The following SCAP variants were observed in gnomAD, a reference collection of about 807,000 sequenced individuals.
SCAP encodes SREBF chaperone.
A neutral mutation model predicts 123.6 loss-of-function variants in SCAP; 65 were observed. The observed-to-expected ratio is 0.53, with a 90% CI of 0.43 to 0.65. SCAP has a LOEUF of 0.65. Among genes scored for constraint, SCAP ranks in the 30% least tolerant of loss-of-function variants. The pLI is 0.00. For synonymous variants in SCAP, 740 were observed against 726.3 expected, an observed-to-expected ratio of 1.02 and a Z score of -0.30; for missense variants, 1,398 against 1,712.5, an observed-to-expected ratio of 0.82 and a Z score of 3.24.
At chr3:47,427,020 A>G in intron 6 of SCAP, 137 bp downstream of exon 6, 3 of 681,906 alleles carry the variant, frequency 4.4e-6, no homozygotes, top group Non-Finnish European at 8.0e-6. Context: ...TGAGGGATGT[A>G]AACATTCAAC....
At chr3:47,429,519 C>A (rs1706276762) in intron 3 of SCAP, among the ~76,000 whole-genome samples, 1 of 152,182 alleles carries the variant, frequency 6.6e-6, no homozygotes, top group African/African-American at 2.4e-5. Flanking sequence ...GCCTAATTTT[C>A]AAAAATGTTT....
chr3:47,460,622 G>A (rs571412723), intron 1 of SCAP, among the ~76,000 whole-genome samples: 3 of 152,042 alleles, frequency 2.0e-5, no homozygotes, highest in Non-Finnish European at 2.9e-5. Context: ...GCACAATCTC[G>A]GCTCACTGCA....
rs1706189702 is a variant in SCAP, at chr3:47,427,490, G to A, written c.588C>T (p.His196=). 6.2e-7 allele frequency: 1 copy of A among 1,614,072 alleles called. No individual in the cohort carries two copies. Among genetic ancestry groups the A allele is most frequent in the African/African-American group, 1.3e-5 (1 of 74,912 alleles). Residue 196 remains histidine, a synonymous_variant, in exon 5 of 23, where the codon CAC becomes CAT. Transcript: ENST00000265565. The part of the protein sequence containing the change: ...HADPDIIGTI[H]QHEPKTLQTS... ...TCTGCAGGGTTTTAGGCTCGTGCTG[G>A]TGGATGGTCCCAATGATGTCAGGAT...
intron 1 of SCAP, among the ~76,000 whole-genome samples, chr3:47,462,614 G>A (rs961092341): frequency 1.3e-5 from 2 of 151,870 alleles, no homozygotes; most frequent in African/African-American, 4.8e-5. Flanking sequence ...TTAGCCGGGC[G>A]TGGTGGCACA....
In SCAP at chr3:47,434,131, C is replaced by T. The variant is rs570140804; in HGVS notation, c.252+877G>A. Among the ~76,000 whole-genome samples, 3 of 152,236 alleles carry T rather than the reference C, an allele frequency of 2.0e-5. No individual in the cohort carries two copies. The South Asian group carries it at 6.2e-4, about 32-fold the overall frequency. ...TTGCCAGATATGCCTCTATTTCAGC[C>T]GCAGAGTCAAGTTCATAACAAGTTA... On this transcript the variant is annotated intron_variant, in intron 3 of 22. Coordinates refer to ENST00000265565, the MANE Select transcript of SCAP (RefSeq NM_012235.4).
chr3:47,451,857 A>C (rs1454542313), intron 1 of SCAP, among the ~76,000 whole-genome samples: 1 of 65,520 alleles, frequency 1.5e-5, no homozygotes, highest in African/African-American at 4.5e-5. Context: ...TGCACAACCC[A>C]CCCCGGTCCT....
chr3:47,471,844 T>C (rs2108034294), intron 1 of SCAP, among the ~76,000 whole-genome samples: 1 of 152,236 alleles, frequency 6.6e-6, no homozygotes, highest in South Asian at 2.1e-4. Context: ...GTGTACATTA[T>C]AAAGTACATA....
chr3:47,462,334 T>C lies in SCAP; in HGVS notation c.-99+13465A>G, dbSNP rs1450522375. Among the ~76,000 whole-genome samples the C allele has an allele frequency of 2.0e-5, 3 of 152,240 alleles. No individual in the cohort carries two copies. The East Asian group carries it at 5.8e-4, about 29-fold the overall frequency. Reference sequence around the variant, plus strand: ...TGTAAAACAGTCATCTGACAGCCTCTGCCCCATCAGCTATACAACCTCTGC... The same window carrying C: ...TGTAAAACAGTCATCTGACAGCCTCCGCCCCATCAGCTATACAACCTCTGC... On this transcript the variant is annotated intron_variant, in intron 1 of 22. Transcript: ENST00000265565.
In SCAP at chr3:47,420,682, C is replaced by G; in HGVS notation, c.1435G>C (p.Ala479Pro). ...GTGTGGGGTGTGGACGGCCTCACAG[C>G]CAGCTGCCGCTCGTAGCGCGTTGGC... Reference protein sequence around the residue: ...GQPTRYERQLAVRPSTPHTIT... With the variant: ...GQPTRYERQLPVRPSTPHTIT... The change falls in exon 12 of 23, where the codon GCT becomes CCT. Residue 479 changes from alanine (A) to proline (P), a missense_variant. Physicochemically the swap from Ala to Pro is conservative, Grantham distance 27 (BLOSUM62 -1). This residue lies in a region of SCAP where 828 missense variants were observed against 882.5 expected (regional missense o/e 0.94). Coordinates refer to ENST00000265565, the MANE Select transcript of SCAP (RefSeq NM_012235.4). This position sits in a 1 kb window ranked among gnomAD's most constrained non-coding sequence, Gnocchi z 5.0. The G allele has an allele frequency of 6.2e-7, 1 of 1,611,592 alleles. No homozygotes were observed.
Position 47,432,416 on chromosome 3 carries a change from C to T in SCAP, c.252+2592G>A, listed in dbSNP as rs933955228. Among the ~76,000 whole-genome samples the T allele has an allele frequency of 3.3e-5, 5 of 150,324 alleles. No homozygotes were observed. In the South Asian group the frequency reaches 1.0e-3, roughly 32 times the overall value. On this transcript the variant is annotated intron_variant, in intron 3 of 22. Coordinates refer to ENST00000265565, the MANE Select transcript of SCAP (RefSeq NM_012235.4). ...AGCTCTTTCGATTGCCCCCCTATGT[C>T]TCTTTGACATACACTATATTTACTT...
At chr3:47,416,233 T>C (rs1056721730) in intron 18 of SCAP, among the ~76,000 whole-genome samples, 28 of 152,266 alleles carry the variant, frequency 1.8e-4, no homozygotes, top group African/African-American at 6.3e-4. Flanking sequence ...GGCCACTGGG[T>C]GGAGACCCAG....
At chr3:47,456,771 C>T (rs534032004) in intron 1 of SCAP, among the ~76,000 whole-genome samples, 3 of 151,332 alleles carry the variant, frequency 2.0e-5, no homozygotes, top group South Asian at 2.1e-4. Context: ...GGCAACAAAG[C>T]GAGACTCCGT....
chr3:47,472,856 G>A (rs1252426136), intron 1 of SCAP, among the ~76,000 whole-genome samples: 2 of 151,940 alleles, frequency 1.3e-5, no homozygotes, highest in Non-Finnish European at 2.9e-5. Context: ...CGAGGCGGGC[G>A]GATCACCTGA....
intron 18 of SCAP, among the ~76,000 whole-genome samples, chr3:47,416,146 G>T (rs1559536201): frequency 2.0e-5 from 3 of 152,246 alleles, no homozygotes; most frequent in African/African-American, 7.2e-5. Context: ...AGATGGTGCT[G>T]CCACCAACAG....
chr3:47,419,755 G>C lies in SCAP; in HGVS notation c.1564-51C>G. On this transcript the variant is annotated intron_variant, in intron 12 of 22. Transcript: ENST00000265565. This position sits in a 1 kb window ranked among gnomAD's most constrained non-coding sequence, Gnocchi z 5.0. ...TGGGAGGAATGGGCCCCAACCCCCA[G>C]CAGCTTCAGCCCTCATGCTGAGAGG... is the stretch of plus-strand genomic sequence containing the variant. The C allele has an allele frequency of 6.6e-7, 1 of 1,505,132 alleles. No homozygotes were observed. Among genetic ancestry groups the C allele is most frequent in the Non-Finnish European group, 8.9e-7 (1 of 1,127,432 alleles). 93.2% of individuals were successfully genotyped at this position (1,505,132 alleles called of 1,614,324 possible). A position where few individuals can be genotyped will look rare whatever the true frequency, so the allele number is the denominator to read the frequency against.
intron 10 of SCAP, among the ~76,000 whole-genome samples, chr3:47,422,189 A>G (rs573450932): frequency 1.3e-5 from 2 of 152,390 alleles, no homozygotes; most frequent in East Asian, 3.9e-4. Flanking sequence ...GTAGGAAGAC[A>G]GGGTCAAGGG....
chr3:47,414,680 G>T, intron 20 of SCAP, 28 bp from the exon 21 acceptor site: 2 of 1,612,850 alleles, frequency 1.2e-6, no homozygotes, highest in Non-Finnish European at 1.7e-6. Context: ...CTCAGGTTCT[G>T]GTCTCTGGGA....
intron 17 of SCAP, 34 bp from the exon 18 acceptor site, chr3:47,417,241 C>T: frequency 6.2e-7 from 1 of 1,612,670 alleles, no homozygotes; most frequent in South Asian, 1.1e-5. Context: ...ACCTGCCAGC[C>T]AGAAAGGCCC....
Position 47,442,904 on chromosome 3 carries a change from G to T in SCAP, c.90C>A (p.Ile30=), listed in dbSNP as rs1331685730. ...LLCASYPIPI[I]LFTGFCILAC... is the part of the protein sequence containing the mutation. ...CTAAGATGCAGAACCCTGTGAAGAG[G>T]ATGATGGGGATGGGATAGGATGCAC... Residue 30 remains isoleucine (I), a synonymous_variant, in exon 2 of 23, where the codon ATC becomes ATA. Coordinates refer to ENST00000265565, the MANE Select transcript of SCAP (RefSeq NM_012235.4). 6.2e-7 allele frequency: 1 copy of T among 1,614,080 alleles called. No individual in the cohort carries two copies. Among genetic ancestry groups the T allele is most frequent in the African/African-American group, 1.3e-5 (1 of 74,926 alleles).
Sources: gnomAD v4.1 joint callset for allele counts (sites outside exome capture counted in the v4.1 genomes callset) on GRCh38, gnomAD v4.1.1 for gene constraint, gnomAD v4.1.1 regional missense constraint, Gnocchi (gnomAD v3.1) non-coding constraint, MANE v1.5 for transcripts, NCBI Gene and HGNC (gene_info 2026-07-23, HGNC 2026-07-21) for gene names.